Variants in DBT observed in about 807,000 individuals in gnomAD.
The protein encoded by DBT is lipoamide acyltransferase component of branched-chain alpha-keto acid dehydrogenase complex, mitochondrial.
In DBT, 40 loss-of-function variants were observed where a neutral mutation model predicts 51.3. The ratio of observed to expected loss-of-function variants is 0.78; its 90% CI spans 0.61 to 1.02. DBT has a LOEUF of 1.02. Ranked by LOEUF, DBT falls within the 50% of genes least tolerant of loss-of-function variation. The pLI is 0.00. For missense variants in DBT, 510 were observed against 580.2 expected, an observed-to-expected ratio of 0.88 and a Z score of 1.24; for synonymous variants, 181 against 190.4, an observed-to-expected ratio of 0.95 and a Z score of 0.41.
chr1:100,242,193 A>G (rs1425591679), intron 1 of DBT, among the ~76,000 whole-genome samples: 1 of 152,082 alleles, frequency 6.6e-6, no homozygotes, highest in Non-Finnish European at 1.5e-5. Context: ...TGTATGTAAC[A>G]GAGTCACTTT....
At chr1:100,226,266 AT>A (rs1324584644) in intron 4 of DBT, among the ~76,000 whole-genome samples, 1 of 143,690 alleles carries the variant, frequency 7.0e-6, no homozygotes, top group Non-Finnish European at 1.5e-5. Context: ...TTTTCTTTAA[AT>A]TTTTCTAAAT....
chr1:100,206,395 T>C (rs1432271581), intron 9 of DBT, 50 bp downstream of exon 9: 2 of 1,561,528 alleles, frequency 1.3e-6, no homozygotes, highest in Admixed American at 3.3e-5. Context: ...ATTAAGCATA[T>C]GATCAGAAAC....
At chr1:100,213,202 G>A in intron 7 of DBT, 2 of 559,750 alleles carry the variant, frequency 3.6e-6, no homozygotes, top group Non-Finnish European at 5.5e-6. Context: ...GAGATAATGG[G>A]CCCTGCCCCG....
At chr1:100,239,100 T>C (rs1017762138) in intron 2 of DBT, among the ~76,000 whole-genome samples, 1 of 152,234 alleles carries the variant, frequency 6.6e-6, no homozygotes, top group African/African-American at 2.4e-5. Flanking sequence ...TGTGTACTGA[T>C]ATATCCCAAG....
intron 8 of DBT, among the ~76,000 whole-genome samples, chr1:100,209,241 G>T (rs1661987404): frequency 1.3e-5 from 2 of 151,582 alleles, no homozygotes. Context: ...TAAAACTATA[G>T]GCATGCACCA....
intron 4 of DBT, among the ~76,000 whole-genome samples, chr1:100,228,457 G>A (rs1000275402): frequency 1.3e-4 from 20 of 152,088 alleles, no homozygotes; most frequent in Middle Eastern, 3.2e-3. Flanking sequence ...ATGGTCTGTC[G>A]ATCATATAAA....
intron 4 of DBT, 92 bp downstream of exon 4, chr1:100,230,641 A>AC (rs397731374): frequency 2.3e-5 from 19 of 812,928 alleles, no homozygotes; most frequent in Admixed American, 5.6e-5. Flanking sequence ...AAAAAAAAAA[A>AC]CAAAAAAACA....
chr1:100,229,743 C>A (rs1663431173), intron 4 of DBT, among the ~76,000 whole-genome samples: 1 of 152,172 alleles, frequency 6.6e-6, no homozygotes, highest in African/African-American at 2.4e-5. Flanking sequence ...GCTCTTGCAG[C>A]CCCTAGTATC....
At chr1:100,221,778 G>A (rs915058343) in intron 4 of DBT, among the ~76,000 whole-genome samples, 9 of 152,190 alleles carry the variant, frequency 5.9e-5, no homozygotes, top group East Asian at 1.9e-4. Flanking sequence ...GTAATTCCTC[G>A]TAGAAAGCAA....
intron 2 of DBT, among the ~76,000 whole-genome samples, chr1:100,237,545 TG>T (rs1406084060): frequency 6.6e-6 from 1 of 152,046 alleles, no homozygotes; most frequent in East Asian, 1.9e-4. Context: ...GGCAGGAGTG[TG>T]GTAGATGGGG....
At chr1:100,208,814 G>A (rs1187773347) in intron 8 of DBT, among the ~76,000 whole-genome samples, 1 of 151,010 alleles carries the variant, frequency 6.6e-6, no homozygotes, top group South Asian at 2.1e-4. Context: ...AGGCTGCGGT[G>A]GGAGGTGGAC....
intron 5 of DBT, among the ~76,000 whole-genome samples, chr1:100,216,438 T>TA (rs1208493849): frequency 6.6e-6 from 1 of 152,188 alleles, no homozygotes; most frequent in Non-Finnish European, 1.5e-5. Context: ...TATGAAAACT[T>TA]ACTTTTTAAA....
At chr1:100,245,740 C>T (rs1168189752) in intron 1 of DBT, among the ~76,000 whole-genome samples, 3 of 151,820 alleles carry the variant, frequency 2.0e-5, no homozygotes, top group African/African-American at 7.3e-5. Flanking sequence ...ATCACTGGAG[C>T]CCAGGAGTTC....
rs1661318517 is a variant in DBT, at chr1:100,199,633, T to C, written c.1282-3211A>G. Among the ~76,000 whole-genome samples, 5 of 152,302 alleles carry C rather than the reference T, an allele frequency of 3.3e-5. No homozygotes were observed. In the South Asian group the frequency reaches 1.0e-3, roughly 32 times the overall value. The stretch of plus-strand genomic sequence containing the variant: ...GATGGCAGAACAGGAACAGCTCCGG[T>C]CTGCAGCTCCCAGTGAGACCAAGGC... On this transcript the variant is annotated intron_variant, in intron 10 of 10. Transcript: ENST00000370132.
intron 4 of DBT, among the ~76,000 whole-genome samples, chr1:100,229,190 T>TG (rs1491486457): frequency 6.6e-6 from 1 of 150,846 alleles, no homozygotes; most frequent in Non-Finnish European, 1.5e-5. Flanking sequence ...TTTTAAGAGA[T>TG]GGAGTCTTGC....
At chr1:100,233,939 A>G (rs1285891605) in intron 3 of DBT, among the ~76,000 whole-genome samples, 1 of 152,250 alleles carries the variant, frequency 6.6e-6, no homozygotes, top group Non-Finnish European at 1.5e-5. Flanking sequence ...TAAGCCTGCC[A>G]GGGCAAATTT....
chr1:100,208,398 A>G (rs1468583832), intron 8 of DBT, among the ~76,000 whole-genome samples: 1 of 152,190 alleles, frequency 6.6e-6, no homozygotes, highest in Non-Finnish European at 1.5e-5. Context: ...GACTTTCTGG[A>G]GAACATATGA....
At chr1:100,235,714 A>G (rs898761275) in intron 2 of DBT, among the ~76,000 whole-genome samples, 7 of 152,208 alleles carry the variant, frequency 4.6e-5, no homozygotes, top group East Asian at 1.9e-4. Context: ...TTTACAACAC[A>G]GACTTACTGG....
Position 100,241,008 on chromosome 1 carries a change from T to A in DBT, c.52-124A>T, listed in dbSNP as rs950832103. On this transcript the variant is annotated intron_variant, in intron 1 of 10. Coordinates refer to ENST00000370132, the MANE Select transcript of DBT (RefSeq NM_001918.5). ...CCATTGTCACAATAGAAATATTATA[T>A]CCTTAGATTTAGATTTGTTACATTT... 9 of 993,986 alleles carry A rather than the reference T, an allele frequency of 9.1e-6. No homozygotes were observed. In the African/African-American group the frequency reaches 1.1e-4, roughly 13 times the overall value. The allele number at this position is 993,986 out of a possible 1,614,324, so 61.6% of individuals were successfully genotyped here. A position where few individuals can be genotyped will look rare whatever the true frequency, so the allele number is the denominator to read the frequency against.
Sources: allele counts gnomAD v4.1 joint callset (sites outside exome capture counted in the v4.1 genomes callset), GRCh38; gene constraint gnomAD v4.1.1; transcripts MANE v1.5; gene names NCBI Gene and HGNC (gene_info 2026-07-23, HGNC 2026-07-21).